NBEA: variants seen among roughly 807,000 people sequenced by gnomAD.
NBEA encodes the protein lysosomal-trafficking regulator 2.
NBEA carries 44 observed loss-of-function variants against 343.4 expected under a neutral mutation model. The observed-to-expected ratio is 0.13, with a 90% CI of 0.10 to 0.16. The LOEUF is 0.16. NBEA is among the 10% of genes least tolerant of loss of function. The probability of loss-of-function intolerance (pLI) is 1.00; values close to 1 mark genes in which losing one functional copy is unlikely to be tolerated. For missense variants in NBEA, 2,555 were observed against 3,631.3 expected (o/e 0.70, Z 7.62); for synonymous variants, 1,175 against 1,238.7 (o/e 0.95, Z 1.08).
At position 35,671,102 on chromosome 13, in the gene NBEA, T is replaced by G. The variant is rs928223776; in HGVS notation, c.*111T>G. The G allele has an allele frequency of 1.7e-5, 12 of 691,328 alleles. No individual in the cohort carries two copies. Among genetic ancestry groups the G allele is most frequent in the Non-Finnish European group, 2.5e-5 (10 of 399,002 alleles). The allele number at this position is 691,328 out of a possible 1,614,324, so 42.8% of individuals were successfully genotyped here. A position where few individuals can be genotyped will look rare whatever the true frequency, so the allele number is the denominator to read the frequency against. On this transcript the variant is annotated 3_prime_UTR_variant, in exon 59 of 59. Transcript: ENST00000379939. ...TCTACATCGACCTCCGTTTGTACAT[T>G]CCATCACACCCAGCAATAGCTGTAC...
chr13:35,320,941 C>T (rs1035165114), intron 36 of NBEA, among the ~76,000 whole-genome samples: 3 of 151,998 alleles, frequency 2.0e-5, no homozygotes, highest in Admixed American at 6.6e-5. Context: ...TCAGCTGTGT[C>T]AGGTCATTTG....
intron 34 of NBEA, among the ~76,000 whole-genome samples, chr13:35,274,266 A>T (rs180742441): frequency 6.6e-6 from 1 of 152,240 alleles, no homozygotes; most frequent in Non-Finnish European, 1.5e-5. Flanking sequence ...CAAAAACCAC[A>T]TGGTTATCTC....
At chr13:35,597,466 AT>A (rs1159279462) in intron 47 of NBEA, among the ~76,000 whole-genome samples, 1 of 152,188 alleles carries the variant, frequency 6.6e-6, no homozygotes, top group African/African-American at 2.4e-5. Context: ...TAAGCATGCA[AT>A]CTAGTGTCTA....
intron 53 of NBEA, among the ~76,000 whole-genome samples, chr13:35,652,688 C>CTTTTTTTTT (rs766315741): frequency 5.9e-5 from 4 of 67,574 alleles, no homozygotes; most frequent in Admixed American, 2.8e-4. Context: ...TTCTGGCAGT[C>CTTTTTTTTT]TTTTTTTTTT....
intron 34 of NBEA, among the ~76,000 whole-genome samples, chr13:35,239,829 TTTA>T (rs142751438): frequency 0.044 from 6,721 of 151,988 alleles, 156 homozygotes; most frequent in African/African-American, 0.059. Flanking sequence ...AAACTGGGAC[TTTA>T]TCATAGAGAA....
intron 34 of NBEA, among the ~76,000 whole-genome samples, chr13:35,258,929 AT>A (rs367568166): frequency 1.8e-4 from 27 of 152,332 alleles, no homozygotes; most frequent in Admixed American, 5.9e-4. Context: ...AAATAGGGTA[AT>A]ATAAGTGTTC....
At chr13:35,295,277 G>A (rs1410776733) in intron 35 of NBEA, among the ~76,000 whole-genome samples, 1 of 151,558 alleles carries the variant, frequency 6.6e-6, no homozygotes, top group Non-Finnish European at 1.5e-5. Flanking sequence ...ATTAAGGCTA[G>A]TAAGAAATGT....
At chr13:34,988,256 G>T (rs1345954135) in intron 1 of NBEA, among the ~76,000 whole-genome samples, 1 of 151,082 alleles carries the variant, frequency 6.6e-6, no homozygotes. Flanking sequence ...CTACACGGGG[G>T]TCAGGGAGGA....
chr13:35,081,062 C>T (rs1201922837), intron 10 of NBEA, among the ~76,000 whole-genome samples: 1 of 152,136 alleles, frequency 6.6e-6, no homozygotes, highest in Admixed American at 6.6e-5. Context: ...TGATTTAAAA[C>T]ATCGAATGAA....
At chr13:35,343,146 G>A (rs377737466) in intron 36 of NBEA, among the ~76,000 whole-genome samples, 1 of 152,070 alleles carries the variant, frequency 6.6e-6, no homozygotes, top group East Asian at 1.9e-4. Flanking sequence ...AAAATTGTTA[G>A]TGAAGAACTA....
intron 14 of NBEA, among the ~76,000 whole-genome samples, chr13:35,117,780 T>C (rs2066577511): frequency 6.6e-6 from 1 of 152,014 alleles, no homozygotes; most frequent in South Asian, 2.1e-4. Context: ...AAATGATCTG[T>C]GTGCCAGTTT....
chr13:35,073,245 C>T (rs942056161), intron 10 of NBEA, among the ~76,000 whole-genome samples: 1 of 151,946 alleles, frequency 6.6e-6, no homozygotes, highest in Non-Finnish European at 1.5e-5. Context: ...CAGTTCATAT[C>T]GATGATTGGG....
intron 36 of NBEA, 64 bp downstream of exon 36, chr13:35,309,656 C>T: frequency 1.1e-6 from 1 of 871,460 alleles, no homozygotes; most frequent in Non-Finnish European, 1.7e-6. Flanking sequence ...GGCAATTGCT[C>T]TTTCCTACCA....
chr13:35,534,837 A>G (rs1054657018), intron 41 of NBEA, among the ~76,000 whole-genome samples: 31 of 152,294 alleles, frequency 2.0e-4, no homozygotes, highest in African/African-American at 1.2e-4. Context: ...TTTTTGATGA[A>G]CAAATTATGT....
At chr13:35,467,470 T>TA (rs201528942) in intron 40 of NBEA, among the ~76,000 whole-genome samples, 1,871 of 146,554 alleles carry the variant, frequency 0.013, 14 homozygotes, top group Non-Finnish European at 0.02. Context: ...AGACTCCATC[T>TA]AAAAAAAATA....
At chr13:34,976,521 A>G (rs1043579585) in intron 1 of NBEA, among the ~76,000 whole-genome samples, 1 of 152,224 alleles carries the variant, frequency 6.6e-6, no homozygotes, top group Non-Finnish European at 1.5e-5. Context: ...TCACCAGTAA[A>G]GAACTTATTT....
At chr13:35,451,214 C>T (rs1484008700) in intron 39 of NBEA, among the ~76,000 whole-genome samples, 1 of 152,142 alleles carries the variant, frequency 6.6e-6, no homozygotes, top group African/African-American at 2.4e-5. Flanking sequence ...AGCTCCGCCT[C>T]CCGGGTTCAC....
At chr13:35,538,002 G>C (rs1160039059) in intron 41 of NBEA, among the ~76,000 whole-genome samples, 1 of 152,148 alleles carries the variant, frequency 6.6e-6, no homozygotes, top group Non-Finnish European at 1.5e-5. Context: ...CTTGAATTCA[G>C]ATCATTAAGA....
chr13:35,395,932 C>G (rs1013913027), intron 38 of NBEA, among the ~76,000 whole-genome samples: 1 of 152,136 alleles, frequency 6.6e-6, no homozygotes, highest in African/African-American at 2.4e-5. Flanking sequence ...CAAACTTTGT[C>G]TGATAATAAT....
Sources: gnomAD v4.1 joint callset for allele counts (sites outside exome capture counted in the v4.1 genomes callset) on GRCh38, gnomAD v4.1.1 for gene constraint, MANE v1.5 for transcripts, NCBI Gene and HGNC (gene_info 2026-07-23, HGNC 2026-07-21) for gene names.